Variants in CHRM3 observed in about 807,000 individuals in gnomAD.
CHRM3 encodes the protein cholinergic receptor muscarinic 3.
In CHRM3, 11 loss-of-function variants were observed where a neutral mutation model predicts 41.8. The observed-to-expected ratio is 0.26, with a 90% confidence interval of 0.17 to 0.44. The LOEUF (loss-of-function observed/expected upper bound fraction) is 0.44. CHRM3 is among the 20% of genes least tolerant of loss of function. The pLI, the probability that CHRM3 is intolerant of heterozygous loss-of-function variation, is 1.00. For missense variants in CHRM3, 571 were observed against 745.4 expected, an observed-to-expected ratio of 0.77 and a Z score of 2.72; for synonymous variants, 297 against 301.4, an observed-to-expected ratio of 0.99 and a Z score of 0.15.
chr1:239,459,862 G>T (rs1665223837), intron 1 of CHRM3, among the ~76,000 whole-genome samples: 1 of 152,146 alleles, frequency 6.6e-6, no homozygotes, highest in South Asian at 2.1e-4. Context: ...ATGGGATTTT[G>T]AGATTAGCTA....
chr1:239,640,344 C>G (rs1042183940), intron 4 of CHRM3, among the ~76,000 whole-genome samples: 3 of 152,114 alleles, frequency 2.0e-5, no homozygotes, highest in African/African-American at 7.2e-5. Context: ...GGAATGGTAC[C>G]AGTTCCTCCT....
chr1:239,715,413 A>G (rs1418177102), intron 5 of CHRM3, among the ~76,000 whole-genome samples: 1 of 152,122 alleles, frequency 6.6e-6, no homozygotes, highest in Non-Finnish European at 1.5e-5. Flanking sequence ...GGAGAAATAA[A>G]AGCTCTAATT....
intron 2 of CHRM3, among the ~76,000 whole-genome samples, chr1:239,517,447 T>C (rs2148240101): frequency 1.3e-5 from 2 of 152,300 alleles, no homozygotes; most frequent in African/African-American, 4.8e-5. Context: ...TCCCATTTAT[T>C]TTACATCACT....
chr1:239,476,463 CA>C (rs71567246), intron 1 of CHRM3, among the ~76,000 whole-genome samples: 1,428 of 117,642 alleles, frequency 0.012, 5 homozygotes, highest in African/African-American at 0.021. Flanking sequence ...AGACTCCATC[CA>C]AAAAAAAAAA....
At chr1:239,539,590 CA>C (rs1241139190) in intron 2 of CHRM3, among the ~76,000 whole-genome samples, 4 of 152,164 alleles carry the variant, frequency 2.6e-5, no homozygotes, top group Non-Finnish European at 5.9e-5. Context: ...ACCACTTATA[CA>C]AGAGTAGTCT....
At chr1:239,655,258 A>C (rs1478985454) in intron 4 of CHRM3, among the ~76,000 whole-genome samples, 1 of 152,186 alleles carries the variant, frequency 6.6e-6, no homozygotes, top group Non-Finnish European at 1.5e-5. Flanking sequence ...ACAGCTGCAA[A>C]ATTTGTAGCT....
chr1:239,623,619 G>C (rs1314567804), intron 3 of CHRM3, among the ~76,000 whole-genome samples: 1 of 78,576 alleles, frequency 1.3e-5, no homozygotes, highest in Non-Finnish European at 2.4e-5. Context: ...TCTAGCATTA[G>C]GTATATCTCC....
At chr1:239,436,772 AT>A (rs907314870) in intron 1 of CHRM3, among the ~76,000 whole-genome samples, 1 of 152,004 alleles carries the variant, frequency 6.6e-6, no homozygotes, top group African/African-American at 2.4e-5. Flanking sequence ...AAAGATATTC[AT>A]TTTAGTTGCC....
In CHRM3 at chr1:239,743,479, A is replaced by G. The variant is rs192704623; in HGVS notation, c.-147+65191A>G. 2.7e-4 allele frequency among the ~76,000 whole-genome samples: 41 copies of G among 152,352 alleles called. No homozygotes were observed. The East Asian group carries it at 7.7e-3, about 29-fold the overall frequency. Reference sequence around the variant, plus strand: ...AGTCCTGGGAGCTAGTTCTAATAATAGTAGCAGCTGACATGGATTGAGCAC... The same window carrying G: ...AGTCCTGGGAGCTAGTTCTAATAATGGTAGCAGCTGACATGGATTGAGCAC... On this transcript the variant is annotated intron_variant, in intron 5 of 6. Coordinates refer to ENST00000676153, the MANE Select transcript of CHRM3 (RefSeq NM_001375978.1).
Position 239,560,616 on chromosome 1 carries a change from A to G in CHRM3, c.-313+14867A>G, listed in dbSNP as rs116273252. ...CGTATGAATGTACCAAAATTTATTTATCCCATATTTAGTTTCTTTTCATTC... is the reference window on the plus strand; with the variant it reads ...CGTATGAATGTACCAAAATTTATTTGTCCCATATTTAGTTTCTTTTCATTC... On this transcript the variant is annotated intron_variant, in intron 3 of 6. Coordinates refer to ENST00000676153, the MANE Select transcript of CHRM3 (RefSeq NM_001375978.1). Among the ~76,000 whole-genome samples, 949 of 152,254 alleles carry G rather than the reference A, an allele frequency of 6.2e-3. 3 individuals carry two copies. The highest frequency in any genetic ancestry group is 0.021 in the Middle Eastern group (6 of 292).
chr1:239,591,962 G>A (rs1246653820), intron 3 of CHRM3, among the ~76,000 whole-genome samples: 1 of 152,168 alleles, frequency 6.6e-6, no homozygotes, highest in Admixed American at 6.5e-5. Context: ...GCCTTGATTG[G>A]CAGGGCCTTT....
intron 6 of CHRM3, among the ~76,000 whole-genome samples, chr1:239,845,162 A>G (rs1674162991): frequency 6.6e-6 from 1 of 152,202 alleles, no homozygotes; most frequent in Non-Finnish European, 1.5e-5. Flanking sequence ...CACAATGCAT[A>G]TGAAAGAGCC....
chr1:239,672,548 A>T (rs1193342396), intron 4 of CHRM3, among the ~76,000 whole-genome samples: 2 of 150,878 alleles, frequency 1.3e-5, no homozygotes, highest in African/African-American at 4.9e-5. Flanking sequence ...GGAGACACAG[A>T]CTCTTTCTTC....
intron 5 of CHRM3, among the ~76,000 whole-genome samples, chr1:239,815,303 C>T (rs1050285319): frequency 3.9e-5 from 6 of 152,162 alleles, no homozygotes; most frequent in South Asian, 2.1e-4. Flanking sequence ...CATGACTCAC[C>T]GACCGGAGGA....
intron 3 of CHRM3, among the ~76,000 whole-genome samples, chr1:239,623,615 A>G (rs886604184): frequency 3.7e-5 from 3 of 80,954 alleles, no homozygotes; most frequent in African/African-American, 1.5e-4. Flanking sequence ...GTCATCTAGC[A>G]TTAGGTATAT....
intron 5 of CHRM3, among the ~76,000 whole-genome samples, chr1:239,679,798 C>T (rs1658381361): frequency 6.6e-6 from 1 of 152,048 alleles, no homozygotes; most frequent in South Asian, 2.1e-4. Context: ...CAGGACAGTT[C>T]ACATAAAAAT....
intron 3 of CHRM3, among the ~76,000 whole-genome samples, chr1:239,589,209 C>T (rs1299583333): frequency 6.6e-6 from 1 of 152,236 alleles, no homozygotes; most frequent in Non-Finnish European, 1.5e-5. Context: ...GCTGGGATTA[C>T]AGGCGTGAGC....
intron 3 of CHRM3, among the ~76,000 whole-genome samples, chr1:239,556,000 T>A (rs935801297): frequency 1.8e-4 from 27 of 152,204 alleles, no homozygotes; most frequent in Non-Finnish European, 2.9e-5. Context: ...TTGGAGGCAA[T>A]ATAGTGATCT....
chr1:239,658,669 C>G (rs938990406), intron 4 of CHRM3, among the ~76,000 whole-genome samples: 2 of 152,018 alleles, frequency 1.3e-5, no homozygotes, highest in Non-Finnish European at 2.9e-5. Context: ...CACCTAAAAG[C>G]TGAAGAGTCA....
Sources: allele counts gnomAD v4.1 joint callset (sites outside exome capture counted in the v4.1 genomes callset), GRCh38; gene constraint gnomAD v4.1.1; transcripts MANE v1.5; gene names NCBI Gene and HGNC (gene_info 2026-07-23, HGNC 2026-07-21).